Variants in RBFOX1 observed in about 807,000 individuals in gnomAD.
RBFOX1 encodes the protein RNA binding protein fox-1 homolog 1.
RBFOX1 carries 8 observed loss-of-function variants against 57.7 expected under a neutral mutation model. The observed-to-expected ratio is 0.14, with a 90% CI of 0.08 to 0.25. The LOEUF (loss-of-function observed/expected upper bound fraction) is 0.25, where lower values mean the gene tolerates loss of function less well. Ranked by LOEUF, RBFOX1 falls within the 10% of genes least tolerant of loss-of-function variation. The pLI, the probability that RBFOX1 is intolerant of heterozygous loss-of-function variation, is 1.00. For synonymous variants in RBFOX1, 326 were observed against 222.4 expected (o/e 1.47, Z -4.15); for missense variants, 611 against 548.5 (o/e 1.11, Z -1.14).
intron 1 of RBFOX1, among the ~76,000 whole-genome samples, chr16:5,454,853 CTTTTCTTTCTTTCTTT>C (rs2068543766): frequency 3.1e-5 from 2 of 64,960 alleles, no homozygotes; most frequent in African/African-American, 7.1e-5. Context: ...TTCTTTCTTT[CTTTTCTTTCTTTCTTT>C]CTTTCTTTCT....
intron 1 of RBFOX1, among the ~76,000 whole-genome samples, chr16:6,073,694 G>T (rs72633298): frequency 1.3e-5 from 2 of 151,986 alleles, no homozygotes; most frequent in Admixed American, 6.5e-5. Context: ...TATTGTAAGT[G>T]TATAAATTTT....
chr16:7,128,889 C>T (rs1328022235), intron 4 of RBFOX1, among the ~76,000 whole-genome samples: 1 of 147,434 alleles, frequency 6.8e-6, no homozygotes, highest in Admixed American at 6.9e-5. Flanking sequence ...GGTGCAATCT[C>T]GGCTCACTGC....
At chr16:6,231,648 G>C (rs1778534504) in intron 1 of RBFOX1, among the ~76,000 whole-genome samples, 1 of 152,200 alleles carries the variant, frequency 6.6e-6, no homozygotes, top group East Asian at 1.9e-4. Context: ...AAGAGTCTGA[G>C]GCCACTTACA....
At chr16:6,614,576 G>C (rs1004061498) in intron 2 of RBFOX1, among the ~76,000 whole-genome samples, 2 of 152,130 alleles carry the variant, frequency 1.3e-5, no homozygotes, top group African/African-American at 4.8e-5. Context: ...TCTTCGCCTA[G>C]TTCTGGAGGT....
chr16:6,647,666 A>C (rs1288362911), intron 2 of RBFOX1, among the ~76,000 whole-genome samples: 1 of 152,156 alleles, frequency 6.6e-6, no homozygotes, highest in African/African-American at 2.4e-5. Context: ...GGGGACACAT[A>C]CATTCAGTCC....
At chr16:5,912,706 G>C (rs2058629171) in intron 4 of RBFOX1, among the ~76,000 whole-genome samples, 1 of 152,112 alleles carries the variant, frequency 6.6e-6, no homozygotes, top group Admixed American at 6.6e-5. Context: ...ACTCTTGGAG[G>C]CTTACAAAAA....
chr16:6,888,493 C>A (rs2064664441), intron 3 of RBFOX1, among the ~76,000 whole-genome samples: 1 of 152,068 alleles, frequency 6.6e-6, no homozygotes, highest in African/African-American at 2.4e-5. Context: ...AAATTAAATT[C>A]CCTTGCAATT....
intron 3 of RBFOX1, among the ~76,000 whole-genome samples, chr16:5,730,879 T>C (rs1210861758): frequency 6.6e-6 from 1 of 152,022 alleles, no homozygotes; most frequent in East Asian, 1.9e-4. Flanking sequence ...ATCACCACTA[T>C]TATCATTGCC....
intron 4 of RBFOX1, among the ~76,000 whole-genome samples, chr16:7,061,570 T>G (rs992472364): frequency 3.3e-5 from 5 of 152,162 alleles, no homozygotes; most frequent in African/African-American, 1.2e-4. Flanking sequence ...TGGAGAAGAC[T>G]CAAAAAAAAG....
At chr16:6,383,526 G>A (rs888069611) in intron 2 of RBFOX1, among the ~76,000 whole-genome samples, 2 of 152,182 alleles carry the variant, frequency 1.3e-5, no homozygotes, top group African/African-American at 4.8e-5. Context: ...TGTAATGCCA[G>A]TATTTTGGGA....
At chr16:6,839,135 C>G (rs537537531) in intron 3 of RBFOX1, among the ~76,000 whole-genome samples, 3 of 151,972 alleles carry the variant, frequency 2.0e-5, no homozygotes, top group African/African-American at 7.2e-5. Flanking sequence ...CAGGCACACA[C>G]CACCACACCC....
rs193006950 is a variant in RBFOX1, at chr16:6,438,535, T to A, written c.-64+121478T>A. On this transcript the variant is annotated intron_variant, in intron 2 of 15. Coordinates refer to ENST00000550418, the MANE Select transcript of RBFOX1 (RefSeq NM_018723.4). ...GACATTGTTTGGTAGTGGACTGGGA[T>A]CCTCAGGAGTTAATCACTTTTACTG... Among the ~76,000 whole-genome samples, 236 of 152,334 alleles carry A rather than the reference T, an allele frequency of 1.5e-3. 1 individual carries two copies. Among genetic ancestry groups the A allele is most frequent in the Non-Finnish European group, 3.7e-4 (25 of 68,026 alleles).
In RBFOX1 at chr16:6,946,241, C is replaced by T. The variant is rs571452555; in HGVS notation, c.-15-105816C>T. Reference sequence around the variant, plus strand: ...TGCCATATGGTTTCTGTGATAACTGCTCCACTACATCCTTGTAGTACAACA... The same window carrying T: ...TGCCATATGGTTTCTGTGATAACTGTTCCACTACATCCTTGTAGTACAACA... On this transcript the variant is annotated intron_variant, in intron 3 of 15. Transcript: ENST00000550418. Among the ~76,000 whole-genome samples the T allele has an allele frequency of 7.9e-5, 12 of 152,336 alleles. No individual in the cohort carries two copies. In the East Asian group the frequency reaches 1.2e-3, roughly 15 times the overall value.
intron 1 of RBFOX1, among the ~76,000 whole-genome samples, chr16:5,249,702 C>T (rs528229645): frequency 6.6e-6 from 1 of 152,310 alleles, no homozygotes; most frequent in Admixed American, 6.5e-5. Flanking sequence ...GGTGTGGTGG[C>T]TCACACCTGT....
intron 3 of RBFOX1, among the ~76,000 whole-genome samples, chr16:6,666,371 C>A (rs62017893): frequency 6.6e-6 from 1 of 151,916 alleles, no homozygotes; most frequent in Non-Finnish European, 1.5e-5. Flanking sequence ...CTTGTCTCTA[C>A]CACAAGTACA....
At chr16:5,553,244 C>A (rs1056466930) in intron 2 of RBFOX1, among the ~76,000 whole-genome samples, 5 of 151,824 alleles carry the variant, frequency 3.3e-5, no homozygotes, top group Non-Finnish European at 7.4e-5. Flanking sequence ...ATCAAACCTG[C>A]ACCTTGTACA....
chr16:6,554,155 G>T (rs965997385), intron 2 of RBFOX1, among the ~76,000 whole-genome samples: 7 of 152,190 alleles, frequency 4.6e-5, no homozygotes, highest in African/African-American at 1.7e-4. Flanking sequence ...TGGGGCACAA[G>T]AAACCATCTT....
intron 9 of RBFOX1, among the ~76,000 whole-genome samples, chr16:7,601,919 C>T (rs540027216): frequency 1.3e-5 from 2 of 152,276 alleles, no homozygotes; most frequent in Non-Finnish European, 2.9e-5. Flanking sequence ...ACCTTTGTAC[C>T]CAGTGCGAAC....
intron 4 of RBFOX1, among the ~76,000 whole-genome samples, chr16:5,939,905 C>T (rs1028984516): frequency 6.6e-6 from 1 of 152,162 alleles, no homozygotes; most frequent in Non-Finnish European, 1.5e-5. Flanking sequence ...GCTTCACAGT[C>T]AAGCAGACTT....
Sources: allele counts gnomAD v4.1 joint callset (sites outside exome capture counted in the v4.1 genomes callset), GRCh38; gene constraint gnomAD v4.1.1; transcripts MANE v1.5; gene names NCBI Gene and HGNC (gene_info 2026-07-23, HGNC 2026-07-21).